Variants in SETDB2 observed in about 807,000 individuals in gnomAD.
SETDB2 encodes the protein histone-lysine N-methyltransferase SETDB2.
Under a neutral mutation model 82.5 loss-of-function variants are expected in SETDB2, and 56 were observed. That is an observed-to-expected ratio of 0.68 (90% CI 0.55 to 0.85). The LOEUF (loss-of-function observed/expected upper bound fraction) is 0.85. SETDB2 is among the 40% of genes least tolerant of loss of function. SETDB2 has a pLI of 0.00. For missense variants in SETDB2, 677 were observed against 816.4 expected (o/e 0.83, Z 2.08); for synonymous variants, 272 against 284.9 (o/e 0.95, Z 0.46).
chr13:49,481,283 G>C (rs142244095), intron 8 of SETDB2, among the ~76,000 whole-genome samples, 167 bp downstream of exon 8: 2 of 152,330 alleles, frequency 1.3e-5, no homozygotes, highest in Non-Finnish European at 2.9e-5. Flanking sequence ...GCACTAAAGA[G>C]ATGAGATGCT....
chr13:49,448,490 C>T (rs531021569), intron 1 of SETDB2, among the ~76,000 whole-genome samples: 56 of 152,220 alleles, frequency 3.7e-4, no homozygotes, highest in African/African-American at 1.1e-3. Context: ...TTACTTCAAC[C>T]GATCACCATT....
chr13:49,483,630 T>G (rs1958527166), intron 10 of SETDB2, 67 bp downstream of exon 10: 9 of 566,560 alleles, frequency 1.6e-5, no homozygotes, highest in South Asian at 6.8e-5. Flanking sequence ...TTTTTTTTTT[T>G]TTTTTTTTTT....
chr13:49,464,503 T>A (rs1335571136), intron 4 of SETDB2, among the ~76,000 whole-genome samples: 1 of 152,208 alleles, frequency 6.6e-6, no homozygotes, highest in Non-Finnish European at 1.5e-5. Context: ...TCTAAACATT[T>A]CTTTTCTTTC....
At position 49,473,044 on chromosome 13, in the gene SETDB2, T is replaced by C. The variant is rs1406337620; in HGVS notation, c.306-3432T>C. On this transcript the variant is annotated intron_variant, in intron 5 of 13. Coordinates refer to ENST00000611815, the MANE Select transcript of SETDB2 (RefSeq NM_001160308.3). ...TCCAGTAGTGGCTAACTTGGAGTTG[T>C]ATTTGTTGTGTCATATGAGGAAATT... Among the ~76,000 whole-genome samples, 5 of 152,234 alleles carry C rather than the reference T, an allele frequency of 3.3e-5. No individual in the cohort carries two copies. In the East Asian group the frequency reaches 7.7e-4, roughly 23 times the overall value.
chr13:49,446,908 A>G (rs895776572), intron 1 of SETDB2, among the ~76,000 whole-genome samples: 2 of 152,118 alleles, frequency 1.3e-5, no homozygotes, highest in Admixed American at 1.3e-4. Flanking sequence ...CTTGGTTTTA[A>G]GTTGTGAGCA....
intron 13 of SETDB2, 110 bp downstream of exon 13, chr13:49,491,020 A>C: frequency 1.3e-6 from 1 of 758,452 alleles, no homozygotes; most frequent in Non-Finnish European, 2.1e-6. Context: ...TGGGAGGCCA[A>C]GGTGGGGAGA....
At chr13:49,455,812 C>T (rs1957872093) in intron 2 of SETDB2, among the ~76,000 whole-genome samples, 1 of 151,830 alleles carries the variant, frequency 6.6e-6, no homozygotes, top group Non-Finnish European at 1.5e-5. Context: ...GTTTAGTTTA[C>T]AAGTTGAACA....
At position 49,485,688 on chromosome 13, in the gene SETDB2, G is replaced by A. The variant is rs147677097; in HGVS notation, c.1541G>A (p.Arg514Gln). The A allele has an allele frequency of 1.1e-4, 175 of 1,613,868 alleles. No homozygotes were observed. The African/African-American group carries it at 2.1e-3, about 19-fold the overall frequency. ...PEDNDGFKPPREHLNSKTKGA... is the reference protein window; with the variant it reads ...PEDNDGFKPPQEHLNSKTKGA... ...GATAATGATGGATTTAAACCACCCC[G>A]AGAGCATCTGAACTCTAAAACCAAG... The change falls in exon 11 of 14, where the codon CGA becomes CAA. Residue 514 changes from arginine to glutamine, a missense_variant. Transcript: ENST00000611815.
chr13:49,463,853 G>C (rs980623662), intron 4 of SETDB2, among the ~76,000 whole-genome samples: 3 of 152,204 alleles, frequency 2.0e-5, no homozygotes, highest in African/African-American at 7.2e-5. Flanking sequence ...TGCTGGGAGA[G>C]TCCCAGAGCA....
chr13:49,476,411 A>G, intron 5 of SETDB2, 65 bp from the exon 6 acceptor site: 1 of 1,074,338 alleles, frequency 9.3e-7, no homozygotes, highest in Non-Finnish European at 1.3e-6. Flanking sequence ...AAATAATCAT[A>G]GTTTTTTTAA....
At chr13:49,445,179 A>G (rs1275545922) in intron 1 of SETDB2, among the ~76,000 whole-genome samples, 1 of 152,154 alleles carries the variant, frequency 6.6e-6, no homozygotes, top group African/African-American at 2.4e-5. Flanking sequence ...TAGCTTCCTC[A>G]TCAGCAAACG....
intron 1 of SETDB2, among the ~76,000 whole-genome samples, chr13:49,445,291 C>G (rs1957643744): frequency 6.6e-6 from 1 of 152,144 alleles, no homozygotes; most frequent in South Asian, 2.1e-4. Context: ...TGACTTAACC[C>G]GTGGTTCTGT....
At chr13:49,476,388 C>CT in intron 5 of SETDB2, 88 bp from the exon 6 acceptor site, 1 of 876,420 alleles carries the variant, frequency 1.1e-6, no homozygotes, top group East Asian at 2.6e-5. Context: ...TTAATATTGT[C>CT]TAAGAAGGTA....
chr13:49,448,533 T>G (rs897452257), intron 1 of SETDB2, among the ~76,000 whole-genome samples: 3 of 152,206 alleles, frequency 2.0e-5, no homozygotes, highest in Non-Finnish European at 4.4e-5. Context: ...CTTTGATTTC[T>G]TCTGTAAACC....
chr13:49,478,346 A>G (rs944050308), intron 6 of SETDB2, among the ~76,000 whole-genome samples: 66 of 152,230 alleles, frequency 4.3e-4, no homozygotes, highest in African/African-American at 1.4e-3. Flanking sequence ...ACTAGGAACT[A>G]GGCCAGTATC....
At chr13:49,472,253 G>A (rs866335169) in intron 5 of SETDB2, among the ~76,000 whole-genome samples, 1 of 152,050 alleles carries the variant, frequency 6.6e-6, no homozygotes, top group Admixed American at 6.6e-5. Context: ...GATGAATACA[G>A]TATACATTCT....
intron 4 of SETDB2, among the ~76,000 whole-genome samples, chr13:49,465,354 G>C (rs1159827387): frequency 6.6e-6 from 1 of 152,020 alleles, no homozygotes; most frequent in Non-Finnish European, 1.5e-5. Context: ...TCATGTTTTT[G>C]AGTAAATCCT....
At chr13:49,481,820 G>T (rs1173292481) in intron 8 of SETDB2, among the ~76,000 whole-genome samples, 1 of 100,188 alleles carries the variant, frequency 1.0e-5, no homozygotes, top group Non-Finnish European at 2.0e-5. Context: ...CCAGTCTAAA[G>T]GAATTGTCCT....
chr13:49,490,382 A>G (rs1594186078), intron 12 of SETDB2, among the ~76,000 whole-genome samples: 1 of 152,132 alleles, frequency 6.6e-6, no homozygotes, highest in Non-Finnish European at 1.5e-5. Flanking sequence ...GCTGCATAGA[A>G]TTCTATTGTG....
Sources: allele counts gnomAD v4.1 joint callset (sites outside exome capture counted in the v4.1 genomes callset), GRCh38; gene constraint gnomAD v4.1.1; transcripts MANE v1.5; gene names NCBI Gene and HGNC (gene_info 2026-07-23, HGNC 2026-07-21).